Variants in SHC4 observed in about 807,000 individuals in gnomAD.
SHC4 encodes the protein SHC-transforming protein 4.
Under a neutral mutation model 69.4 loss-of-function variants are expected in SHC4, and 41 were observed. The ratio of observed to expected loss-of-function variants is 0.59; its 90% CI spans 0.46 to 0.77. The LOEUF (loss-of-function observed/expected upper bound fraction) is 0.77, where lower values mean the gene tolerates loss of function less well. Among genes scored for constraint, SHC4 ranks in the 30% least tolerant of loss-of-function variants. The pLI, the probability that SHC4 is intolerant of heterozygous loss-of-function variation, is 0.00. For missense variants in SHC4, 777 were observed against 783.8 expected, an observed-to-expected ratio of 0.99 and a Z score of 0.10; for synonymous variants, 318 against 299.3, an observed-to-expected ratio of 1.06 and a Z score of -0.64.
chr15:48,854,617 C>T (rs1390982809), intron 8 of SHC4, among the ~76,000 whole-genome samples: 1 of 152,168 alleles, frequency 6.6e-6, no homozygotes, highest in East Asian at 1.9e-4. Flanking sequence ...TACATATACA[C>T]CATGGAATAC....
At chr15:48,912,718 G>C (rs918975018) in intron 2 of SHC4, among the ~76,000 whole-genome samples, 4 of 152,198 alleles carry the variant, frequency 2.6e-5, no homozygotes, top group African/African-American at 4.8e-5. Context: ...ATTTGGGTAG[G>C]CTCCGTCAGA....
chr15:48,837,112 A>G (rs1864102469), intron 10 of SHC4, among the ~76,000 whole-genome samples: 1 of 152,206 alleles, frequency 6.6e-6, no homozygotes, highest in Non-Finnish European at 1.5e-5. Flanking sequence ...TTAATGCGTG[A>G]TGGCTTTTGG....
At chr15:48,941,045 A>G (rs1195593814) in intron 1 of SHC4, among the ~76,000 whole-genome samples, 3 of 152,178 alleles carry the variant, frequency 2.0e-5, no homozygotes, top group Admixed American at 1.3e-4. Context: ...GCTCGAAGGG[A>G]CCTTAGAGAT....
rs576945404 is a variant in SHC4 at position 48,898,914 on chromosome 15, G to A, written c.657-8103C>T. Among the ~76,000 whole-genome samples the A allele has an allele frequency of 3.9e-5, 6 of 152,188 alleles. 1 individual carries two copies. In the South Asian group the frequency reaches 1.2e-3, roughly 32 times the overall value. ...AAATTCAAAAGATTGTTCTCCTTTA[G>A]GGTAAACTGGGCTTCTTTAAAACAA... is the stretch of plus-strand genomic sequence containing the variant. On this transcript the variant is annotated intron_variant, in intron 2 of 11. Coordinates refer to ENST00000332408, the MANE Select transcript of SHC4 (RefSeq NM_203349.4).
chr15:48,869,628 G>A (rs1899628964), intron 5 of SHC4, among the ~76,000 whole-genome samples: 1 of 152,162 alleles, frequency 6.6e-6, no homozygotes. Context: ...GGACTCTGGA[G>A]TTTAGGGAGT....
chr15:48,871,467 C>T (rs1325729270), intron 5 of SHC4, among the ~76,000 whole-genome samples: 2 of 152,190 alleles, frequency 1.3e-5, no homozygotes, highest in Non-Finnish European at 2.9e-5. Context: ...TGCTGTGGTC[C>T]AGAAATGGTG....
At chr15:48,838,640 T>C (rs965631187) in intron 10 of SHC4, among the ~76,000 whole-genome samples, 5 of 152,204 alleles carry the variant, frequency 3.3e-5, no homozygotes, top group Non-Finnish European at 7.3e-5. Context: ...TCAGACATGT[T>C]ACAAAGGCAT....
chr15:48,942,983 T>G (rs140503354), intron 1 of SHC4, among the ~76,000 whole-genome samples: 1 of 152,348 alleles, frequency 6.6e-6, no homozygotes, highest in East Asian at 1.9e-4. Context: ...GGTCTGCTGA[T>G]AGCATCACTT....
In SHC4 at chr15:48,894,832, T is replaced by C. The variant is rs1900195088; in HGVS notation, c.657-4021A>G. On this transcript the variant is annotated intron_variant, in intron 2 of 11. Coordinates refer to ENST00000332408, the MANE Select transcript of SHC4 (RefSeq NM_203349.4). ...ATGGGGGTCTCACTCTGTTGCCAGG[T>C]TGGAGTGCAGTGGTGGGATCATAGC... 2.6e-5 allele frequency among the ~76,000 whole-genome samples: 4 copies of C among 152,098 alleles called. No individual in the cohort carries two copies. The South Asian group carries it at 8.3e-4, about 32-fold the overall frequency.
At chr15:48,948,872 TCCCA>T (rs1394882860) in intron 1 of SHC4, among the ~76,000 whole-genome samples, 1 of 151,788 alleles carries the variant, frequency 6.6e-6, no homozygotes, top group African/African-American at 2.4e-5. Flanking sequence ...CACCACTGTA[TCCCA>T]CCCTGGGTGA....
chr15:48,895,620 C>T (rs1213413495), intron 2 of SHC4, among the ~76,000 whole-genome samples: 1 of 152,162 alleles, frequency 6.6e-6, no homozygotes, highest in Non-Finnish European at 1.5e-5. Context: ...CATCTGGAGC[C>T]AGGCTGTGCC....
chr15:48,859,583 A>G (rs542807757), intron 6 of SHC4, among the ~76,000 whole-genome samples: 1 of 152,290 alleles, frequency 6.6e-6, no homozygotes, highest in East Asian at 1.9e-4. Context: ...CAGTAGCTTT[A>G]CTTAGTGACC....
intron 1 of SHC4, among the ~76,000 whole-genome samples, chr15:48,962,219 A>G (rs1025090114): frequency 6.6e-6 from 1 of 152,218 alleles, no homozygotes; most frequent in Non-Finnish European, 1.5e-5. Context: ...GCACCGGTTC[A>G]TGTCCTTGAA....
intron 2 of SHC4, among the ~76,000 whole-genome samples, chr15:48,897,194 A>G (rs1460852161): frequency 2.6e-5 from 4 of 152,178 alleles, no homozygotes; most frequent in Admixed American, 1.3e-4. Flanking sequence ...AGCCTGTATT[A>G]GAAAGAAAGA....
intron 8 of SHC4, among the ~76,000 whole-genome samples, chr15:48,854,556 T>C (rs1899275368): frequency 6.6e-6 from 1 of 152,142 alleles, no homozygotes; most frequent in Non-Finnish European, 1.5e-5. Flanking sequence ...AGCAAAGACA[T>C]GGAATCAATC....
chr15:48,860,878 T>C (rs1011579903), intron 6 of SHC4, among the ~76,000 whole-genome samples: 1 of 152,232 alleles, frequency 6.6e-6, no homozygotes, highest in Non-Finnish European at 1.5e-5. Context: ...CTTTTTGTTT[T>C]ACAGAAACCC....
At chr15:48,826,270 G>A in intron 11 of SHC4, 144 bp from the exon 12 acceptor site, 1 of 633,074 alleles carries the variant, frequency 1.6e-6, no homozygotes. Context: ...TTTTTTTTTT[G>A]AGACAGAGTG....
chr15:48,952,103 C>A (rs781359139), intron 1 of SHC4, among the ~76,000 whole-genome samples: 14 of 152,084 alleles, frequency 9.2e-5, no homozygotes, highest in Non-Finnish European at 1.6e-4. Flanking sequence ...AGGAACCAAG[C>A]TGAGAGGGAT....
intron 11 of SHC4, among the ~76,000 whole-genome samples, chr15:48,832,685 T>A (rs558040627): frequency 1.8e-4 from 27 of 152,152 alleles, no homozygotes; most frequent in Non-Finnish European, 3.4e-4. Context: ...CATAAACTGG[T>A]CTGCTTGATG....
Sources: gnomAD v4.1 joint callset for allele counts (sites outside exome capture counted in the v4.1 genomes callset) on GRCh38, gnomAD v4.1.1 for gene constraint, MANE v1.5 for transcripts, NCBI Gene and HGNC (gene_info 2026-07-23, HGNC 2026-07-21) for gene names.